CASR: variants seen among roughly 807,000 people sequenced by gnomAD.
CASR encodes the protein extracellular calcium-sensing receptor.
CASR carries 23 observed loss-of-function variants against 69.1 expected under a neutral mutation model. That is an observed-to-expected ratio of 0.33 (90% CI 0.24 to 0.47). The LOEUF (loss-of-function observed/expected upper bound fraction) is 0.47. Ranked by LOEUF, CASR falls within the 20% of genes least tolerant of loss-of-function variation. CASR has a pLI of 1.00. For missense variants in CASR, 924 were observed against 1,356.1 expected (o/e 0.68, Z 5.00); for synonymous variants, 541 against 544.7 (o/e 0.99, Z 0.10).
chr3:122,242,548 A>G (rs1200172478), intron 1 of CASR, among the ~76,000 whole-genome samples: 1 of 152,204 alleles, frequency 6.6e-6, no homozygotes, highest in Non-Finnish European at 1.5e-5. Context: ...AAGGAAATAT[A>G]TTCCATATTC....
intron 1 of CASR, among the ~76,000 whole-genome samples, chr3:122,240,942 G>C (rs1444020213): frequency 2.0e-5 from 3 of 152,084 alleles, no homozygotes; most frequent in African/African-American, 7.2e-5. Context: ...CAGTGGGTCA[G>C]TGAAAAAATT....
At chr3:122,242,935 CT>C (rs1467720649) in intron 1 of CASR, among the ~76,000 whole-genome samples, 4 of 152,082 alleles carry the variant, frequency 2.6e-5, no homozygotes, top group African/African-American at 9.7e-5. Context: ...AAGACTGTCT[CT>C]TCAATAAATG....
intron 1 of CASR, among the ~76,000 whole-genome samples, chr3:122,197,195 A>C (rs2073899462): frequency 6.6e-6 from 1 of 152,114 alleles, no homozygotes; most frequent in African/African-American, 2.4e-5. Context: ...TGGTGGGCTG[A>C]GCTTGGGAGC....
In CASR at chr3:122,283,822, G is replaced by A. The variant is rs2107649545; in HGVS notation, c.1868G>A (p.Gly623Asp). The change falls in exon 7 of 7, where the codon GGC becomes GAC. Residue 623 changes from glycine to aspartate, a missense_variant. Gly to Asp is a moderately conservative substitution (Grantham distance 94). Coordinates refer to ENST00000639785, the MANE Select transcript of CASR (RefSeq NM_000388.4). ...GIALTLFAVL[G>D]IFLTAFVLGV... Reference sequence around the variant, plus strand: ...GCACTCACCCTCTTTGCCGTGCTGGGCATTTTCCTGACAGCCTTTGTGCTG... The same window carrying A: ...GCACTCACCCTCTTTGCCGTGCTGGACATTTTCCTGACAGCCTTTGTGCTG... The A allele has an allele frequency of 6.2e-7, 1 of 1,614,042 alleles. No individual in the cohort carries two copies.
intron 2 of CASR, 68 bp downstream of exon 2, chr3:122,254,442 G>A (rs751002064): frequency 3.0e-5 from 45 of 1,483,978 alleles, no homozygotes; most frequent in Middle Eastern, 1.7e-4. Flanking sequence ...TGCACCAAAC[G>A]CAAAATAATT....
chr3:122,257,446 G>A (rs1414111367), intron 3 of CASR, 59 bp downstream of exon 3: 14 of 1,321,066 alleles, frequency 1.1e-5, no homozygotes, highest in East Asian at 2.3e-5. Flanking sequence ...CAGGCTTGGG[G>A]GTGCCATGCC....
intron 1 of CASR, among the ~76,000 whole-genome samples, chr3:122,187,249 C>T (rs565029599): frequency 1.3e-5 from 2 of 152,278 alleles, no homozygotes; most frequent in East Asian, 3.9e-4. Flanking sequence ...AGCCACTGCT[C>T]TAATTGGGAG....
chr3:122,243,775 TA>T (rs1189298992), intron 1 of CASR, among the ~76,000 whole-genome samples: 1 of 152,066 alleles, frequency 6.6e-6, no homozygotes. Flanking sequence ...GGATGCAACC[TA>T]AGTGTCCATC....
Position 122,290,730 on chromosome 3 carries a change from TC to T in CASR, c.*5540del, listed in dbSNP as rs2075005791. 6.6e-6 allele frequency: 1 copy of T among 152,152 alleles called. No homozygotes were observed. Among genetic ancestry groups the T allele is most frequent in the African/African-American group, 2.4e-5 (1 of 41,504 alleles). 9.4% of individuals were successfully genotyped at this position (152,152 alleles called of 1,614,324 possible). Reference sequence around the variant, plus strand: ...ACCCCTCCTCCAAATTTTTCTTTATTCTTTTTTTTTTATTATACTTTAAGTT... The same window carrying T: ...ACCCCTCCTCCAAATTTTTCTTTATTTTTTTTTTTTATTATACTTTAAGTT... On this transcript the variant is annotated 3_prime_UTR_variant, in exon 7 of 7. Transcript: ENST00000639785.
chr3:122,219,791 C>A (rs2074153584), intron 1 of CASR, among the ~76,000 whole-genome samples: 1 of 152,198 alleles, frequency 6.6e-6, no homozygotes, highest in Non-Finnish European at 1.5e-5. Flanking sequence ...CCAAGCAGTG[C>A]AATCTCAGTG....
chr3:122,223,543 G>GT (rs1405178455), intron 1 of CASR, among the ~76,000 whole-genome samples: 1 of 152,086 alleles, frequency 6.6e-6, no homozygotes, highest in African/African-American at 2.4e-5. Context: ...CTCCAAAACT[G>GT]TATCAGTAAG....
intron 1 of CASR, among the ~76,000 whole-genome samples, chr3:122,214,537 C>T (rs987029509): frequency 1.3e-5 from 2 of 152,202 alleles, no homozygotes; most frequent in Non-Finnish European, 2.9e-5. Context: ...GATACAGAAG[C>T]AGGCAGATCA....
intron 1 of CASR, among the ~76,000 whole-genome samples, chr3:122,250,145 G>A (rs1306505615): frequency 6.6e-6 from 1 of 152,178 alleles, no homozygotes; most frequent in Non-Finnish European, 1.5e-5. Flanking sequence ...ACAGGAGTGT[G>A]TAGGAGAAGG....
chr3:122,280,540 C>T (rs759557141), intron 5 of CASR, among the ~76,000 whole-genome samples: 5 of 152,272 alleles, frequency 3.3e-5, no homozygotes, highest in African/African-American at 7.2e-5. Context: ...TCTGAGGATA[C>T]CTTGTCACCA....
chr3:122,234,663 G>A (rs1476461780), intron 1 of CASR, among the ~76,000 whole-genome samples: 1 of 152,132 alleles, frequency 6.6e-6, no homozygotes, highest in Admixed American at 6.5e-5. Flanking sequence ...CTGTATAGCA[G>A]GCTGACCCTA....
intron 1 of CASR, among the ~76,000 whole-genome samples, chr3:122,206,754 T>C (rs538935833): frequency 5.6e-4 from 85 of 152,062 alleles, no homozygotes; most frequent in Non-Finnish European, 9.7e-4. Flanking sequence ...ATTTCATTAC[T>C]CAATATTGGT....
chr3:122,284,425 C>G lies in CASR; in HGVS notation c.2471C>G (p.Ala824Gly), dbSNP rs2074939274. 1 of 1,613,924 alleles carries G rather than the reference C, an allele frequency of 6.2e-7. No homozygotes were observed. The highest frequency in any genetic ancestry group is 1.3e-5 in the African/African-American group (1 of 75,058). The change falls in exon 7 of 7, where the codon GCC becomes GGC. Residue 824 changes from alanine to glycine, a missense_variant. Transcript: ENST00000639785. ...FFIVWISFIP[A>G]YASTYGKFVS... Reference sequence around the variant, plus strand: ...ATCGTCTGGATCTCCTTCATTCCAGCCTATGCCAGCACCTATGGCAAGTTT... The same window carrying G: ...ATCGTCTGGATCTCCTTCATTCCAGGCTATGCCAGCACCTATGGCAAGTTT...
At position 122,288,720 on chromosome 3, in the gene CASR, C is replaced by T. The variant is rs1433430934; in HGVS notation, c.*3529C>T. On this transcript the variant is annotated 3_prime_UTR_variant, in exon 7 of 7. Coordinates refer to ENST00000639785, the MANE Select transcript of CASR (RefSeq NM_000388.4). The stretch of plus-strand genomic sequence containing the variant: ...AGAAACCTGAAATTGGTAGCTTCAA[C>T]AAACTAGTGTTTGCTTTTCTCTTGA... The T allele has an allele frequency of 1.3e-5, 2 of 152,116 alleles. No individual in the cohort carries two copies. The highest frequency in any genetic ancestry group is 3.9e-4 in the East Asian group (2 of 5,194). The allele number at this position is 152,116 out of a possible 1,614,324, so 9.4% of individuals were successfully genotyped here.
intron 1 of CASR, among the ~76,000 whole-genome samples, chr3:122,197,764 C>A (rs2073904260): frequency 6.6e-6 from 1 of 152,054 alleles, no homozygotes; most frequent in South Asian, 2.1e-4. Context: ...CAGAGTGCCC[C>A]ATTCCTTCTT....
Sources: allele counts gnomAD v4.1 joint callset (sites outside exome capture counted in the v4.1 genomes callset), GRCh38; gene constraint gnomAD v4.1.1; transcripts MANE v1.5; gene names NCBI Gene and HGNC (gene_info 2026-07-23, HGNC 2026-07-21).